IFT80: variants seen among roughly 807,000 people sequenced by gnomAD.
IFT80 encodes the protein intraflagellar transport 80.
In IFT80, 79 loss-of-function variants were observed where a neutral mutation model predicts 107.9. The observed-to-expected ratio is 0.73, with a 90% CI of 0.61 to 0.88. The LOEUF is 0.88. IFT80 is among the 40% of genes least tolerant of loss of function. The probability of loss-of-function intolerance (pLI) is 0.00; values close to 1 mark genes in which losing one functional copy is unlikely to be tolerated. For missense variants in IFT80, 797 were observed against 914.2 expected (o/e 0.87, Z 1.65); for synonymous variants, 299 against 300.9 (o/e 0.99, Z 0.07).
At position 160,353,240 on chromosome 3, in the gene IFT80, A is replaced by G. The variant is rs140266899; in HGVS notation, c.777+2773T>C. ...CACCATCCATGGCTCTCTACTGACT[A>G]ATATACTCAATTGCCAACCTCACTG... On this transcript the variant is annotated intron_variant, in intron 8 of 19. Transcript: ENST00000326448. 3.9e-3 allele frequency among the ~76,000 whole-genome samples: 600 copies of G among 152,278 alleles called. 2 individuals carry two copies. The highest frequency in any genetic ancestry group is 0.024 in the East Asian group (125 of 5,186).
At chr3:160,365,450 A>G (rs1721800196) in intron 6 of IFT80, among the ~76,000 whole-genome samples, 1 of 152,094 alleles carries the variant, frequency 6.6e-6, no homozygotes, top group African/African-American at 2.4e-5. Flanking sequence ...TCTACCAACA[A>G]ATCTCTTACT....
At chr3:160,333,613 G>A (rs1434261089) in intron 8 of IFT80, among the ~76,000 whole-genome samples, 1 of 151,876 alleles carries the variant, frequency 6.6e-6, no homozygotes, top group Non-Finnish European at 1.5e-5. Context: ...GCCTATGCAG[G>A]GTCAGAATCA....
At chr3:160,335,933 T>G (rs1719432444) in intron 8 of IFT80, among the ~76,000 whole-genome samples, 1 of 152,218 alleles carries the variant, frequency 6.6e-6, no homozygotes, top group South Asian at 2.1e-4. Context: ...TCTGCCTTCT[T>G]TCACTTAGCA....
At chr3:160,319,150 T>C (rs1462068532) in intron 9 of IFT80, among the ~76,000 whole-genome samples, 1 of 152,078 alleles carries the variant, frequency 6.6e-6, no homozygotes, top group Non-Finnish European at 1.5e-5. Context: ...TCCAGTGTCA[T>C]GTAAAACTTA....
At chr3:160,310,651 G>C (rs538185018) in intron 9 of IFT80, among the ~76,000 whole-genome samples, 1 of 147,328 alleles carries the variant, frequency 6.8e-6, no homozygotes, top group East Asian at 1.9e-4. Flanking sequence ...ACAAAACCCA[G>C]TGGGAAGCTA....
chr3:160,384,417 T>G, intron 2 of IFT80, 147 bp downstream of exon 2: 1 of 1,354,800 alleles, frequency 7.4e-7, no homozygotes, highest in Non-Finnish European at 9.5e-7. Context: ...ACACATGATC[T>G]TAAATACTTT....
At chr3:160,328,858 AC>A (rs1394149305) in intron 8 of IFT80, among the ~76,000 whole-genome samples, 1 of 152,114 alleles carries the variant, frequency 6.6e-6, no homozygotes, top group Non-Finnish European at 1.5e-5. Flanking sequence ...AGTTGGTGGG[AC>A]ATTATCCTTA....
chr3:160,294,267 G>A (rs907223871), intron 12 of IFT80, among the ~76,000 whole-genome samples: 1 of 152,064 alleles, frequency 6.6e-6, no homozygotes, highest in African/African-American at 2.4e-5. Context: ...TGCCCAGGCT[G>A]TGGTGCAGTG....
chr3:160,357,411 C>A, intron 7 of IFT80, 78 bp downstream of exon 7: 1 of 799,898 alleles, frequency 1.3e-6, no homozygotes, highest in Non-Finnish European at 2.1e-6. Context: ...AAGTAAAAAA[C>A]TAAAAGAATA....
chr3:160,300,781 G>T, intron 12 of IFT80, 102 bp downstream of exon 12: 2 of 869,140 alleles, frequency 2.3e-6, no homozygotes, highest in Non-Finnish European at 3.6e-6. Flanking sequence ...TTTCTATAAA[G>T]CTGATGTACT....
intron 18 of IFT80, chr3:160,274,601 T>C (rs1185409101): frequency 6.6e-6 from 1 of 152,220 alleles, no homozygotes; most frequent in Non-Finnish European, 1.5e-5. Context: ...GACGATTTAA[T>C]ATCTGCAAAT....
chr3:160,329,855 A>T (rs1398020228), intron 8 of IFT80, among the ~76,000 whole-genome samples: 1 of 151,976 alleles, frequency 6.6e-6, no homozygotes, highest in Non-Finnish European at 1.5e-5. Flanking sequence ...GTCTTTCGTT[A>T]TAGGGTCCTC....
intron 8 of IFT80, among the ~76,000 whole-genome samples, chr3:160,347,318 T>A (rs1326472198): frequency 6.6e-6 from 1 of 152,220 alleles, no homozygotes; most frequent in East Asian, 1.9e-4. Context: ...TTGCTAGTGG[T>A]TTTTTTCATT....
chr3:160,377,328 T>C (rs1712103909), intron 4 of IFT80, 102 bp downstream of exon 4: 14 of 721,250 alleles, frequency 1.9e-5, no homozygotes, highest in South Asian at 1.8e-4. Flanking sequence ...TTATTTGCTA[T>C]TACACAATGA....
rs962794834 is a variant in IFT80, at chr3:160,380,106, C to T, written c.259+1397G>A. Among the ~76,000 whole-genome samples the T allele has an allele frequency of 2.0e-5, 3 of 150,806 alleles. No homozygotes were observed. In the East Asian group the frequency reaches 5.9e-4, roughly 30 times the overall value. Reference sequence around the variant, plus strand: ...AGAGTGCAATGGCGCAATCTCAGCTCACTGAAACCTCTGCATTCCAGGTTC... The same window carrying T: ...AGAGTGCAATGGCGCAATCTCAGCTTACTGAAACCTCTGCATTCCAGGTTC... On this transcript the variant is annotated intron_variant, in intron 3 of 19. Transcript: ENST00000326448.
In IFT80 at chr3:160,383,900, G is replaced by GA. The variant is rs1404625353; in HGVS notation, c.37+663dup. On this transcript the variant is annotated intron_variant, in intron 2 of 19. Transcript: ENST00000326448. ...GAATGTAAAGAAATAGAGCACAGTG[G>GA]AATGAATACATGCTAGATCACACTA... 2.9e-5 allele frequency: 29 copies of GA among 985,240 alleles called. No individual in the cohort carries two copies. The Admixed American group carries it at 1.8e-3, about 61-fold the overall frequency. 61.0% of individuals were successfully genotyped at this position (985,240 alleles called of 1,614,324 possible).
intron 5 of IFT80, chr3:160,373,798 C>T (rs1711752061): frequency 6.6e-6 from 1 of 152,406 alleles, no homozygotes; most frequent in Non-Finnish European, 1.5e-5. Flanking sequence ...CTAATGTCAC[C>T]ACTGATCTGA....
At chr3:160,328,148 C>T (rs561950160) in intron 8 of IFT80, among the ~76,000 whole-genome samples, 6 of 152,198 alleles carry the variant, frequency 3.9e-5, no homozygotes, top group Middle Eastern at 6.8e-3. Flanking sequence ...CCATATCTCA[C>T]ACCAGTCAGA....
At chr3:160,319,702 G>C (rs1350898502) in intron 9 of IFT80, 58 bp downstream of exon 9, 2 of 1,313,194 alleles carry the variant, frequency 1.5e-6, no homozygotes, top group African/African-American at 2.9e-5. Flanking sequence ...TCCATATTCT[G>C]TACAGTTAAC....
Sources: gnomAD v4.1 joint callset for allele counts (sites outside exome capture counted in the v4.1 genomes callset) on GRCh38, gnomAD v4.1.1 for gene constraint, MANE v1.5 for transcripts, NCBI Gene and HGNC (gene_info 2026-07-23, HGNC 2026-07-21) for gene names.